The following PCID2 variants were observed in gnomAD, a reference collection of about 807,000 sequenced individuals.
The protein encoded by PCID2 is PCI domain containing 2, also known as PCI domain-containing protein 2.
In PCID2, 41 loss-of-function variants were observed where a neutral mutation model predicts 61.3. That is an observed-to-expected ratio of 0.67 (90% CI 0.52 to 0.87). PCID2 has a LOEUF of 0.87. Among genes scored for constraint, PCID2 ranks in the 40% least tolerant of loss-of-function variants. The pLI, the probability that PCID2 is intolerant of heterozygous loss-of-function variation, is 0.00. For missense variants in PCID2, 392 were observed against 493.4 expected (o/e 0.79, Z 1.95); for synonymous variants, 187 against 177.8 (o/e 1.05, Z -0.41).
chr13:113,177,070 C>CA (rs1471411007), downstream of PCID2, among the ~76,000 whole-genome samples: 1 of 152,240 alleles, frequency 6.6e-6, no homozygotes, highest in African/African-American at 2.4e-5. Flanking sequence ...AGCGTCCACG[C>CA]AGCCCTTCAG....
chr13:113,204,198 T>C (rs989305093), intron 1 of PCID2, among the ~76,000 whole-genome samples: 5 of 152,216 alleles, frequency 3.3e-5, no homozygotes, highest in African/African-American at 1.2e-4. Flanking sequence ...CCCAGGAGCC[T>C]GAGAAGAGGA....
At chr13:113,170,943 G>GTT in the PCID2 span, among the ~76,000 whole-genome samples, 1 of 149,566 alleles carries the variant, frequency 6.7e-6, no homozygotes, top group Non-Finnish European at 1.5e-5. Flanking sequence ...TTTTTTTTGA[G>GTT]ACAGAGTCTC....
chr13:113,165,057 G>C, the PCID2 span: 173 of 1,613,370 alleles, frequency 1.1e-4, no homozygotes, highest in Non-Finnish European at 1.4e-4. Context: ...ATGCAGACCA[G>C]TGTGCCTGCG....
downstream of PCID2, among the ~76,000 whole-genome samples, chr13:113,175,607 G>A (rs189724740): frequency 5.3e-5 from 8 of 152,304 alleles, no homozygotes; most frequent in East Asian, 5.8e-4. Flanking sequence ...AGCCTCCGCC[G>A]GCATGAGTTT....
chr13:113,180,130 C>A (rs2037499760), intron 11 of PCID2, 28 bp downstream of exon 11: 1 of 1,613,422 alleles, frequency 6.2e-7, no homozygotes, highest in Non-Finnish European at 8.5e-7. Context: ...TTTTTAAAAC[C>A]CCAAACAGGA....
rs2039164690 is a variant in PCID2 at position 113,198,264 on chromosome 13, T to C, written c.127A>G (p.Met43Val). ...TGACACTTCTCCTCTGGAGAGGCCA[T>C]CTGATTTTAAAAAAGAAAAATAGCA... ...HPHVANPRLQ[M>V]ASPEEKCQQV... is the part of the protein sequence containing the mutation. The change falls in exon 3 of 14, where the codon ATG becomes GTG. Residue 43 changes from methionine to valine, a missense_variant and splice_region_variant. By Grantham distance (21) the Met-to-Val change is conservative (BLOSUM62 1). Transcript: ENST00000337344. 3.1e-6 allele frequency: 5 copies of C among 1,590,158 alleles called. No individual in the cohort carries two copies. The highest frequency in any genetic ancestry group is 2.2e-5 in the East Asian group (1 of 44,684).
At chr13:113,205,236 T>C (rs984916118) in intron 1 of PCID2, among the ~76,000 whole-genome samples, 3 of 152,084 alleles carry the variant, frequency 2.0e-5, no homozygotes, top group African/African-American at 7.2e-5. Flanking sequence ...TCACTACACC[T>C]GTAAAAAAGA....
intron 6 of PCID2, among the ~76,000 whole-genome samples, chr13:113,191,837 A>C (rs1022361210): frequency 2.0e-5 from 3 of 152,252 alleles, no homozygotes; most frequent in Non-Finnish European, 4.4e-5. Flanking sequence ...AAACAGCAAT[A>C]GGTAAAATGC....
chr13:113,178,454 C>T (rs2138638859), intron 13 of PCID2, 167 bp from the exon 14 acceptor site: 1 of 539,456 alleles, frequency 1.9e-6, no homozygotes, highest in East Asian at 3.4e-5. Context: ...CCCTCTATAT[C>T]CACGGTGGGT....
chr13:113,199,798 T>C (rs2039282356), intron 2 of PCID2, among the ~76,000 whole-genome samples: 1 of 152,180 alleles, frequency 6.6e-6, no homozygotes, highest in South Asian at 2.1e-4. Flanking sequence ...TGCTGCTACT[T>C]CAGAGACTGA....
the PCID2 span, among the ~76,000 whole-genome samples, chr13:113,171,159 G>A: frequency 6.6e-6 from 1 of 152,182 alleles, no homozygotes; most frequent in African/African-American, 2.4e-5. The surrounding 1 kb of genome is among the most constrained non-coding windows in gnomAD (Gnocchi z 5.1). Flanking sequence ...CTGGCCTTAA[G>A]TGATCGACCT....
At chr13:113,171,754 G>A in the PCID2 span, 2 of 1,612,056 alleles carry the variant, frequency 1.2e-6, no homozygotes, top group African/African-American at 2.7e-5. This position sits in a 1 kb window ranked among gnomAD's most constrained non-coding sequence, Gnocchi z 5.1. Flanking sequence ...GCACCCCTGA[G>A]AAAGACTTCG....
chr13:113,191,200 T>G (rs1331253247), intron 6 of PCID2, among the ~76,000 whole-genome samples: 2 of 150,878 alleles, frequency 1.3e-5, no homozygotes, highest in Non-Finnish European at 2.9e-5. Context: ...TTTAATATTT[T>G]TTTCTTTTTT....
At chr13:113,169,588 G>A in the PCID2 span, among the ~76,000 whole-genome samples, 5 of 152,278 alleles carry the variant, frequency 3.3e-5, no homozygotes, top group African/African-American at 1.2e-4. Flanking sequence ...TTCATCCTTT[G>A]GCACATTGCT....
intron 8 of PCID2, among the ~76,000 whole-genome samples, chr13:113,184,905 C>T (rs868192066): frequency 6.9e-6 from 1 of 145,884 alleles, no homozygotes; most frequent in Non-Finnish European, 1.5e-5. Flanking sequence ...TGCAGGAGCC[C>T]GTGCTTGTGG....
chr13:113,196,140 A>T, intron 5 of PCID2, 41 bp downstream of exon 5: 2 of 1,486,654 alleles, frequency 1.3e-6, no homozygotes, highest in Non-Finnish European at 1.9e-6. Context: ...CTGCTAAAAA[A>T]ATTGCCATTT....
At chr13:113,168,033 A>G in the PCID2 span, among the ~76,000 whole-genome samples, 1 of 152,188 alleles carries the variant, frequency 6.6e-6, no homozygotes, top group African/African-American at 2.4e-5. Context: ...TCGCTGTAGC[A>G]TGAGTCCTTA....
Position 113,190,837 on chromosome 13 carries a change from A to G in PCID2, c.467+35T>C, listed in dbSNP as rs1334308339. 7.7e-6 allele frequency: 10 copies of G among 1,297,034 alleles called. 1 individual carries two copies. The South Asian group carries it at 1.1e-4, about 14-fold the overall frequency. 80.3% of individuals were successfully genotyped at this position (1,297,034 alleles called of 1,614,324 possible). A position where few individuals can be genotyped will look rare whatever the true frequency, so the allele number is the denominator to read the frequency against. Reference sequence around the variant, plus strand: ...ACGCTGCAATGAAAACACCACCAACAGCGTCTGGTGGTCGGTCCTCAAGTC... The same window carrying G: ...ACGCTGCAATGAAAACACCACCAACGGCGTCTGGTGGTCGGTCCTCAAGTC... On this transcript the variant is annotated intron_variant, in intron 7 of 13. Transcript: ENST00000337344.
chr13:113,180,296 T>G, intron 10 of PCID2, 65 bp from the exon 11 acceptor site: 1 of 1,240,224 alleles, frequency 8.1e-7, no homozygotes, highest in African/African-American at 1.5e-5. Context: ...TGATAAATAT[T>G]CATATCAAGG....
Sources: gnomAD v4.1 joint callset for allele counts (sites outside exome capture counted in the v4.1 genomes callset) on GRCh38, gnomAD v4.1.1 for gene constraint, Gnocchi (gnomAD v3.1) non-coding constraint, MANE v1.5 for transcripts, NCBI Gene and HGNC (gene_info 2026-07-23, HGNC 2026-07-21) for gene names.